The following RRAS2 variants were observed in gnomAD, a reference collection of about 807,000 sequenced individuals.
RRAS2 encodes RAS related 2.
A neutral mutation model predicts 27.6 loss-of-function variants in RRAS2; 7 were observed. That is an observed-to-expected ratio of 0.25 (90% CI 0.14 to 0.48). RRAS2 has a LOEUF of 0.48. Ranked by LOEUF, RRAS2 falls within the 20% of genes least tolerant of loss-of-function variation. The pLI is 0.99. For missense variants in RRAS2, 178 were observed against 256.2 expected (o/e 0.69, Z 2.08); for synonymous variants, 86 against 90.9 (o/e 0.95, Z 0.31).
Position 14,336,312 on chromosome 11 carries a change from A to G in RRAS2, c.108+22451T>C, listed in dbSNP as rs189881166. 2.3e-3 allele frequency among the ~76,000 whole-genome samples: 355 copies of G among 152,344 alleles called. 6 individuals carry two copies. Among genetic ancestry groups the G allele is most frequent in the Admixed American group, 0.021 (324 of 15,306 alleles). Reference sequence around the variant, plus strand: ...CCAGTCTAAAAAAATACAGAGCCACACAACAAAATATGAAAATGTGCAGAT... The same window carrying G: ...CCAGTCTAAAAAAATACAGAGCCACGCAACAAAATATGAAAATGTGCAGAT... On this transcript the variant is annotated intron_variant, in intron 1 of 5. Coordinates refer to ENST00000256196, the MANE Select transcript of RRAS2 (RefSeq NM_012250.6).
chr11:14,329,007 G>GTA (rs1341078334), intron 1 of RRAS2, among the ~76,000 whole-genome samples: 8 of 55,400 alleles, frequency 1.4e-4, no homozygotes, highest in African/African-American at 3.3e-4. Flanking sequence ...GTGTGTGTGT[G>GTA]TGTGTATATA....
intron 1 of RRAS2, among the ~76,000 whole-genome samples, chr11:14,351,594 G>T (rs1277263812): frequency 6.6e-6 from 1 of 152,112 alleles, no homozygotes; most frequent in Non-Finnish European, 1.5e-5. Flanking sequence ...GCCGGGCATG[G>T]TGGCAAGCGC....
intron 1 of RRAS2, among the ~76,000 whole-genome samples, chr11:14,346,836 A>G (rs1328587198): frequency 6.6e-6 from 1 of 152,148 alleles, no homozygotes; most frequent in Non-Finnish European, 1.5e-5. Context: ...TACATAATAA[A>G]TACATACAAT....
chr11:14,332,720 C>T (rs1190539236), intron 1 of RRAS2, among the ~76,000 whole-genome samples: 3 of 151,978 alleles, frequency 2.0e-5, no homozygotes, highest in Non-Finnish European at 4.4e-5. Flanking sequence ...TAGAAATGTC[C>T]TATATGTGCT....
intron 1 of RRAS2, among the ~76,000 whole-genome samples, chr11:14,307,228 A>G (rs1041344128): frequency 1.6e-5 from 2 of 125,742 alleles, no homozygotes; most frequent in African/African-American, 2.9e-5. Flanking sequence ...AACAAAAAAC[A>G]ACAACAACAA....
intron 1 of RRAS2, among the ~76,000 whole-genome samples, chr11:14,317,826 G>A (rs1848144642): frequency 6.6e-6 from 1 of 152,184 alleles, no homozygotes; most frequent in Non-Finnish European, 1.5e-5. Flanking sequence ...AGCAAGTCAG[G>A]AAGCCAAGGC....
intron 1 of RRAS2, among the ~76,000 whole-genome samples, chr11:14,326,538 C>T (rs1554951022): frequency 1.3e-5 from 2 of 152,026 alleles, no homozygotes; most frequent in Non-Finnish European, 2.9e-5. Flanking sequence ...CAAGTATCAC[C>T]AATTCTGAAA....
chr11:14,331,117 G>A (rs1236607229), intron 1 of RRAS2, among the ~76,000 whole-genome samples: 2 of 152,076 alleles, frequency 1.3e-5, no homozygotes, highest in Admixed American at 1.3e-4. Context: ...AAAATTTAAA[G>A]CCCTGGGAGA....
At chr11:14,325,037 A>G (rs1162209288) in intron 1 of RRAS2, among the ~76,000 whole-genome samples, 1 of 152,182 alleles carries the variant, frequency 6.6e-6, no homozygotes, top group Admixed American at 6.5e-5. Context: ...GCAAAGCCTC[A>G]CAAGTTTTAC....
In RRAS2 at chr11:14,359,098, C is replaced by A; in HGVS notation, c.-228G>T. Reference sequence around the variant, plus strand: ...GCGGGGTGACGGCACGGGCCAGGGGCGGCAGCGGCCGGGGGGCGCGCTCCT... The same window carrying A: ...GCGGGGTGACGGCACGGGCCAGGGGAGGCAGCGGCCGGGGGGCGCGCTCCT... On this transcript the variant is annotated 5_prime_UTR_variant, in exon 1 of 6. Transcript: ENST00000256196. The A allele has an allele frequency of 9.4e-7, 1 of 1,062,794 alleles. No individual in the cohort carries two copies. Among genetic ancestry groups the A allele is most frequent in the Non-Finnish European group, 1.1e-6 (1 of 881,018 alleles). The allele number at this position is 1,062,794 out of a possible 1,614,324, so 65.8% of individuals were successfully genotyped here. A position where few individuals can be genotyped will look rare whatever the true frequency, so the allele number is the denominator to read the frequency against.
At chr11:14,344,438 T>G (rs975852606) in intron 1 of RRAS2, among the ~76,000 whole-genome samples, 1 of 152,222 alleles carries the variant, frequency 6.6e-6, no homozygotes, top group African/African-American at 2.4e-5. Context: ...TTTCCCTTAG[T>G]TGACACACCT....
rs1849128319 is a variant in RRAS2 at position 14,358,407 on chromosome 11, C to A, written c.108+356G>T. 2.0e-6 allele frequency: 2 copies of A among 985,466 alleles called. No individual in the cohort carries two copies. The highest frequency in any genetic ancestry group is 2.4e-6 in the Non-Finnish European group (2 of 830,030). The allele number at this position is 985,466 out of a possible 1,614,324, so 61.0% of individuals were successfully genotyped here. On this transcript the variant is annotated intron_variant, in intron 1 of 5. Coordinates refer to ENST00000256196, the MANE Select transcript of RRAS2 (RefSeq NM_012250.6). The surrounding 1 kb of genome is among the most constrained non-coding windows in gnomAD (Gnocchi z 5.1). ...GCGCGGGGCTCCAGCTCCAGCCCCA[C>A]GCCCGGACCCTCGGAGCAGTAAAGC...
intron 1 of RRAS2, among the ~76,000 whole-genome samples, chr11:14,341,256 G>C (rs1554953219): frequency 6.6e-6 from 1 of 152,120 alleles, no homozygotes; most frequent in Non-Finnish European, 1.5e-5. Context: ...GATACTCCAG[G>C]TTTTCTTTCA....
At position 14,294,555 on chromosome 11, in the gene RRAS2, T is replaced by G; in HGVS notation, c.324A>C (p.Gln108His). The G allele has an allele frequency of 6.3e-7, 1 of 1,589,786 alleles. No homozygotes were observed. The highest frequency in any genetic ancestry group is 8.5e-7 in the Non-Finnish European group (1 of 1,170,366). Reference protein sequence around the residue: ...RGSFEEIYKFQRQILRVKDRD... With the variant: ...RGSFEEIYKFHRQILRVKDRD... ...GATCCTTTACTCTGAGAATCTGTCT[T>G]TGAAACTTATAGATTTCTTCAAAAC... Residue 108 changes from glutamine to histidine, a missense_variant, in exon 4 of 6, where the codon CAA becomes CAC. Coordinates refer to ENST00000256196, the MANE Select transcript of RRAS2 (RefSeq NM_012250.6).
intron 1 of RRAS2, among the ~76,000 whole-genome samples, chr11:14,309,471 A>T (rs1407715976): frequency 6.6e-6 from 1 of 152,204 alleles, no homozygotes. Flanking sequence ...TAAATAAGCA[A>T]ACATAATACA....
At chr11:14,342,406 G>A (rs1414445960) in intron 1 of RRAS2, among the ~76,000 whole-genome samples, 2 of 152,164 alleles carry the variant, frequency 1.3e-5, no homozygotes, top group African/African-American at 2.4e-5. Flanking sequence ...TGACCATGAC[G>A]ATGCCATGCT....
intron 1 of RRAS2, among the ~76,000 whole-genome samples, chr11:14,327,431 G>C (rs1446274969): frequency 2.0e-5 from 3 of 152,192 alleles, no homozygotes; most frequent in Non-Finnish European, 4.4e-5. Flanking sequence ...AGGAAGTGGG[G>C]ATGGAGAGAA....
chr11:14,348,970 T>C (rs1554954429), intron 1 of RRAS2, among the ~76,000 whole-genome samples: 1 of 152,132 alleles, frequency 6.6e-6, no homozygotes, highest in Non-Finnish European at 1.5e-5. Context: ...CTTCTTTTTT[T>C]GTTTCTTGTT....
chr11:14,312,577 G>A (rs370458064), intron 1 of RRAS2, among the ~76,000 whole-genome samples: 86 of 152,050 alleles, frequency 5.7e-4, no homozygotes, highest in African/African-American at 1.9e-3. Context: ...ATGCCACCAC[G>A]CCTGGCTAAT....
Sources: gnomAD v4.1 joint callset for allele counts (sites outside exome capture counted in the v4.1 genomes callset) on GRCh38, gnomAD v4.1.1 for gene constraint, Gnocchi (gnomAD v3.1) non-coding constraint, MANE v1.5 for transcripts, NCBI Gene and HGNC (gene_info 2026-07-23, HGNC 2026-07-21) for gene names.